LY86: variants seen among roughly 807,000 people sequenced by gnomAD.
The protein encoded by LY86 is lymphocyte antigen 86.
LY86 carries 20 observed loss-of-function variants against 17.3 expected under a neutral mutation model. The observed-to-expected ratio is 1.15, with a 90% confidence interval of 0.81 to 1.68. LY86 has a LOEUF of 1.68. LY86 is among the 40% of genes most tolerant of loss of function. The pLI, the probability that LY86 is intolerant of heterozygous loss-of-function variation, is 0.00. For missense variants in LY86, 200 were observed against 191.9 expected (o/e 1.04, Z -0.25); for synonymous variants, 74 against 70.6 (o/e 1.05, Z -0.24).
At chr6:6,604,523 G>A (rs1761033214) in intron 1 of LY86, among the ~76,000 whole-genome samples, 1 of 152,124 alleles carries the variant, frequency 6.6e-6, no homozygotes. Context: ...AAGGTCTAGA[G>A]CTATGACTCA....
chr6:6,606,003 G>C (rs559738918), intron 1 of LY86, among the ~76,000 whole-genome samples: 13 of 152,240 alleles, frequency 8.5e-5, no homozygotes, highest in Admixed American at 2.0e-4. Flanking sequence ...ACTGCGAAAA[G>C]CAAAAGAACA....
At chr6:6,637,703 A>AG (rs1761979771) in intron 3 of LY86, among the ~76,000 whole-genome samples, 1 of 152,098 alleles carries the variant, frequency 6.6e-6, no homozygotes, top group Non-Finnish European at 1.5e-5. Context: ...GTGAGCCCGG[A>AG]GCCCCCCAGT....
intron 3 of LY86, among the ~76,000 whole-genome samples, chr6:6,639,601 T>A (rs1762009990): frequency 6.6e-6 from 1 of 152,200 alleles, no homozygotes; most frequent in Non-Finnish European, 1.5e-5. Context: ...CGTAGTGGCA[T>A]CACTCTACTT....
intron 1 of LY86, among the ~76,000 whole-genome samples, chr6:6,606,723 G>C (rs367602404): frequency 6.6e-6 from 1 of 152,192 alleles, no homozygotes; most frequent in Non-Finnish European, 1.5e-5. Flanking sequence ...CAGCACTTGC[G>C]GGGCCCGCTG....
intron 1 of LY86, among the ~76,000 whole-genome samples, chr6:6,598,206 T>G (rs1760778779): frequency 6.6e-6 from 1 of 152,246 alleles, no homozygotes; most frequent in Non-Finnish European, 1.5e-5. Context: ...GTCTTAAACA[T>G]CTAATCGAAT....
At chr6:6,618,277 C>G (rs1761599199) in intron 1 of LY86, among the ~76,000 whole-genome samples, 1 of 152,174 alleles carries the variant, frequency 6.6e-6, no homozygotes, top group Non-Finnish European at 1.5e-5. Flanking sequence ...GTTATGGTCT[C>G]TCATGTTTAT....
chr6:6,630,002 C>T (rs1224110305), intron 3 of LY86, among the ~76,000 whole-genome samples: 1 of 152,164 alleles, frequency 6.6e-6, no homozygotes. Context: ...ACTGTTGAAT[C>T]CTATTGTATA....
chr6:6,600,778 C>G (rs769934509), intron 1 of LY86, among the ~76,000 whole-genome samples: 4 of 151,410 alleles, frequency 2.6e-5, no homozygotes, highest in South Asian at 2.1e-4. Context: ...CTTCTCTCCA[C>G]TGGGATCATT....
intron 1 of LY86, among the ~76,000 whole-genome samples, chr6:6,605,636 G>A (rs1279307813): frequency 1.3e-5 from 2 of 152,358 alleles, no homozygotes; most frequent in East Asian, 1.9e-4. Context: ...ACATTCCAAT[G>A]TTTTCGCTAT....
intron 1 of LY86, among the ~76,000 whole-genome samples, chr6:6,618,324 G>A (rs1761600254): frequency 6.6e-6 from 1 of 152,202 alleles, no homozygotes; most frequent in African/African-American, 2.4e-5. Flanking sequence ...TATGCTGATA[G>A]AAGCCAAACT....
intron 3 of LY86, among the ~76,000 whole-genome samples, chr6:6,637,388 G>A (rs1761975826): frequency 6.6e-6 from 1 of 152,098 alleles, no homozygotes; most frequent in South Asian, 2.1e-4. Context: ...TTGTAAATGA[G>A]CCAACCATGC....
rs575442555 is a variant in LY86, at chr6:6,591,858, A to T, written c.136+2988A>T. ...GGGTGAGAGGAGAAGTTTGGCAGAG[A>T]CAATGACATGCGTGAAGGCAGGAAA... On this transcript the variant is annotated intron_variant, in intron 1 of 4. Transcript: ENST00000230568. 8.7e-4 allele frequency among the ~76,000 whole-genome samples: 132 copies of T among 152,260 alleles called. 1 individual carries two copies. The highest frequency in any genetic ancestry group is 3.1e-3 in the African/African-American group (128 of 41,550).
chr6:6,607,105 A>G (rs959043335), intron 1 of LY86, among the ~76,000 whole-genome samples: 1 of 152,280 alleles, frequency 6.6e-6, no homozygotes, highest in African/African-American at 2.4e-5. Context: ...AAAACGGCAG[A>G]TAACAATAGC....
rs1254847114 is a variant in LY86 at position 6,600,624 on chromosome 6, A to AAAAAG, written c.136+11759_136+11763dup. ...AAAAAAAAAAAAAAAAAAAAAAAAA[A>AAAAAG]AAAAGAAAATATAGCAGGTCACTTG... On this transcript the variant is annotated intron_variant, in intron 1 of 4. Transcript: ENST00000230568. Among the ~76,000 whole-genome samples the AAAAAG allele has an allele frequency of 1.9e-3, 216 of 116,660 alleles. 83 individuals are homozygous for AAAAAG. Among genetic ancestry groups the AAAAAG allele is most frequent in the Non-Finnish European group, 1.6e-3 (89 of 57,344 alleles). 76.5% of individuals were successfully genotyped at this position (116,660 alleles called of 152,430 possible). A position where few individuals can be genotyped will look rare whatever the true frequency, so the allele number is the denominator to read the frequency against.
rs555298273 is a variant in LY86 at position 6,621,815 on chromosome 6, C to T, written c.137-3111C>T. Among the ~76,000 whole-genome samples the T allele has an allele frequency of 9.9e-5, 15 of 152,190 alleles. No homozygotes were observed. The East Asian group carries it at 1.2e-3, about 12-fold the overall frequency. Reference sequence around the variant, plus strand: ...ATGATATTAAGACATTATGTATAGCCCTGGCACTGGGGAGTTAGCTTTGCA... The same window carrying T: ...ATGATATTAAGACATTATGTATAGCTCTGGCACTGGGGAGTTAGCTTTGCA... On this transcript the variant is annotated intron_variant, in intron 1 of 4. Transcript: ENST00000230568.
At chr6:6,603,300 C>T (rs1310211511) in intron 1 of LY86, among the ~76,000 whole-genome samples, 1 of 152,076 alleles carries the variant, frequency 6.6e-6, no homozygotes, top group Non-Finnish European at 1.5e-5. Flanking sequence ...CTTGTGCACT[C>T]GCATCTCTAG....
At chr6:6,612,152 T>C (rs1225112478) in intron 1 of LY86, among the ~76,000 whole-genome samples, 1 of 150,320 alleles carries the variant, frequency 6.7e-6, no homozygotes, top group Non-Finnish European at 1.5e-5. Context: ...TTGATAGATG[T>C]GTCCACAATT....
At chr6:6,613,303 G>C (rs1001837599) in intron 1 of LY86, among the ~76,000 whole-genome samples, 1 of 152,220 alleles carries the variant, frequency 6.6e-6, no homozygotes, top group Non-Finnish European at 1.5e-5. Flanking sequence ...TGCAGTCTAG[G>C]GGACGGAGCG....
At chr6:6,641,399 T>C (rs1363584449) in intron 3 of LY86, among the ~76,000 whole-genome samples, 1 of 152,192 alleles carries the variant, frequency 6.6e-6, no homozygotes, top group East Asian at 1.9e-4. Context: ...CGTGCCCCCC[T>C]CCTGCTTCCT....
Sources: allele counts gnomAD v4.1 joint callset (sites outside exome capture counted in the v4.1 genomes callset), GRCh38; gene constraint gnomAD v4.1.1; transcripts MANE v1.5; gene names NCBI Gene and HGNC (gene_info 2026-07-23, HGNC 2026-07-21).